CLEC12B: variants seen among roughly 807,000 people sequenced by gnomAD.
CLEC12B encodes the protein C-type lectin domain family 12 member B, also known as macrophage antigen h.
Under a neutral mutation model 36.1 loss-of-function variants are expected in CLEC12B, and 25 were observed. The observed-to-expected ratio is 0.69, with a 90% CI of 0.50 to 0.97. CLEC12B has a LOEUF of 0.97. Among genes scored for constraint, CLEC12B ranks in the 50% least tolerant of loss-of-function variants. CLEC12B has a pLI of 0.00. For synonymous variants in CLEC12B, 110 were observed against 108.5 expected (o/e 1.01, Z -0.09); for missense variants, 325 against 318.4 (o/e 1.02, Z -0.16).
chr12:10,010,044 C>T (rs146402618), upstream of CLEC12B, among the ~76,000 whole-genome samples: 297 of 152,268 alleles, frequency 2.0e-3, 1 homozygote, highest in African/African-American at 6.7e-3. Context: ...GGTTGTTGTT[C>T]TGTTAGGAAC....
chr12:10,013,812 A>T (rs995025357), intron 2 of CLEC12B, among the ~76,000 whole-genome samples: 32 of 152,330 alleles, frequency 2.1e-4, no homozygotes, highest in African/African-American at 7.2e-4. Flanking sequence ...AAGGAATATG[A>T]TGTTCAAGCA....
rs1391340689 is a variant in CLEC12B at position 10,014,596 on chromosome 12, G to T, written c.264G>T (p.Gln88His). Residue 88 changes from glutamine (Q) to histidine (H), a missense_variant, in exon 3 of 6, where the codon CAG becomes CAT. Physicochemically the swap from Gln to His is conservative, Grantham distance 24. Coordinates refer to ENST00000338896, the MANE Select transcript of CLEC12B (RefSeq NM_001129998.3). ...AACTTCAGAAAACCATCCAACAGCA[G>T]CAGGATAACTTATCCCAGCAACTGG... ...LSQLQKTIQQ[Q>H]QDNLSQQLGN... 1.9e-6 allele frequency: 3 copies of T among 1,613,668 alleles called. No homozygotes were observed. The highest frequency in any genetic ancestry group is 2.7e-5 in the African/African-American group (2 of 74,890).
rs577629910 is a variant in CLEC12B at position 10,014,554 on chromosome 12, T to C, written c.222T>C (p.Asp74=). The C allele has an allele frequency of 2.5e-6, 4 of 1,613,664 alleles. No homozygotes were observed. The African/African-American group carries it at 4.0e-5, about 16-fold the overall frequency. Residue 74 remains aspartate, a synonymous_variant, in exon 3 of 6, where the codon GAT becomes GAC. Transcript: ENST00000338896. Reference sequence around the variant, plus strand: ...AGATATCTAATGACATTAACTCAGATTCAGAGAAATTGAGTCAACTTCAGA... The same window carrying C: ...AGATATCTAATGACATTAACTCAGACTCAGAGAAATTGAGTCAACTTCAGA... The part of the protein sequence containing the change: ...FLQISNDINS[D]SEKLSQLQKT...
intron 2 of CLEC12B, 34 bp downstream of exon 2, chr12:10,012,917 A>G (rs1447819031): frequency 6.9e-7 from 1 of 1,440,978 alleles, no homozygotes; most frequent in Non-Finnish European, 9.8e-7. Context: ...AACAAAGGCA[A>G]CTAGAAAACA....
Position 10,018,564 on chromosome 12 carries a change from C to A in CLEC12B, c.*83C>A. ...AAAGAGGAAACTACGGTACCAGAGC[C>A]AAACCAGCTTTTAAAATGACTGTGT... On this transcript the variant is annotated 3_prime_UTR_variant, in exon 6 of 6. Coordinates refer to ENST00000338896, the MANE Select transcript of CLEC12B (RefSeq NM_001129998.3). 8.9e-7 allele frequency: 1 copy of A among 1,126,616 alleles called. No homozygotes were observed. Among genetic ancestry groups the A allele is most frequent in the Non-Finnish European group, 1.3e-6 (1 of 791,344 alleles). The allele number at this position is 1,126,616 out of a possible 1,614,324, so 69.8% of individuals were successfully genotyped here.
At chr12:10,018,118 G>T (rs1865531679) in intron 5 of CLEC12B, among the ~76,000 whole-genome samples, 1 of 152,092 alleles carries the variant, frequency 6.6e-6, no homozygotes, top group African/African-American at 2.4e-5. Flanking sequence ...TTCTACCTGG[G>T]ATTATGATTA....
chr12:10,015,430 G>C, intron 4 of CLEC12B, 24 bp downstream of exon 4: 1 of 1,601,894 alleles, frequency 6.2e-7, no homozygotes, highest in Non-Finnish European at 8.5e-7. Flanking sequence ...TCATTCTCTA[G>C]TTATAGACAT....
At chr12:10,006,457 G>GTTTTTTTTTTT (rs139343460), upstream of CLEC12B, among the ~76,000 whole-genome samples, 1 of 149,054 alleles carries the variant, frequency 6.7e-6, no homozygotes, top group African/African-American at 2.5e-5. Flanking sequence ...TCCAGGATAA[G>GTTTTTTTTTTT]TTTTTTGTTT....
At chr12:10,008,951 G>A (rs1451581830), upstream of CLEC12B, among the ~76,000 whole-genome samples, 2 of 152,160 alleles carry the variant, frequency 1.3e-5, no homozygotes, top group Admixed American at 1.3e-4. Context: ...GAACTTTCCT[G>A]TCTTACAAGA....
At position 10,015,944 on chromosome 12, in the gene CLEC12B, GTTTA is replaced by G. The variant is rs1304765816; in HGVS notation, c.680+222_680+225del. ...GAATTTTATCTTTTGGTAGAAATGT[GTTTA>G]TTTAACACACACACACACCTAATAC... is the stretch of plus-strand genomic sequence containing the variant. On this transcript the variant is annotated intron_variant, in intron 5 of 5. Transcript: ENST00000338896. 4 of 1,355,256 alleles carry G rather than the reference GTTTA, an allele frequency of 3.0e-6. No homozygotes were observed. The East Asian group carries it at 8.5e-5, about 29-fold the overall frequency. 84.0% of individuals were successfully genotyped at this position (1,355,256 alleles called of 1,614,324 possible). A position where few individuals can be genotyped will look rare whatever the true frequency, so the allele number is the denominator to read the frequency against.
rs1485353781 is a variant in CLEC12B at position 10,010,731 on chromosome 12, G to T, written c.-29G>T. ...CCTCAAGATATTGAAACATTAATTA[G>T]ATAATTTAAAGTAGCGTTTTCTTCT... On this transcript the variant is annotated 5_prime_UTR_variant, in exon 1 of 6. Coordinates refer to ENST00000338896, the MANE Select transcript of CLEC12B (RefSeq NM_001129998.3). 1 of 1,397,992 alleles carries T rather than the reference G, an allele frequency of 7.2e-7. No homozygotes were observed. 86.6% of individuals were successfully genotyped at this position (1,397,992 alleles called of 1,614,324 possible). A position where few individuals can be genotyped will look rare whatever the true frequency, so the allele number is the denominator to read the frequency against.
upstream of CLEC12B, among the ~76,000 whole-genome samples, chr12:10,006,570 A>G (rs1865229023): frequency 6.6e-6 from 1 of 152,100 alleles, no homozygotes; most frequent in African/African-American, 2.4e-5. Context: ...TTGTGAGTGA[A>G]GCAAAAGGAA....
chr12:10,007,004 G>A (rs558761345), upstream of CLEC12B, among the ~76,000 whole-genome samples: 39 of 151,742 alleles, frequency 2.6e-4, no homozygotes, highest in South Asian at 4.2e-4. Flanking sequence ...GCAGTGAGCC[G>A]AGATCGCGCC....
rs1259500312 is a variant in CLEC12B, at chr12:10,012,119, G to C, written c.92-666G>C. Among the ~76,000 whole-genome samples, 3 of 152,114 alleles carry C rather than the reference G, an allele frequency of 2.0e-5. No individual in the cohort carries two copies. In the South Asian group the frequency reaches 6.2e-4, roughly 31 times the overall value. On this transcript the variant is annotated intron_variant, in intron 1 of 5. Coordinates refer to ENST00000338896, the MANE Select transcript of CLEC12B (RefSeq NM_001129998.3). The stretch of plus-strand genomic sequence containing the variant: ...GCACATTCTTTCCTTCTTTCATTCA[G>C]TATTCATTCATTATTTATTAGGTGA...
chr12:10,011,761 A>C (rs1865332770), intron 1 of CLEC12B, among the ~76,000 whole-genome samples: 1 of 152,202 alleles, frequency 6.6e-6, no homozygotes, highest in Non-Finnish European at 1.5e-5. Flanking sequence ...TGTGTGGTGC[A>C]TGACATTTGA....
upstream of CLEC12B, among the ~76,000 whole-genome samples, chr12:10,008,950 T>C (rs1295037699): frequency 6.6e-6 from 1 of 152,196 alleles, no homozygotes; most frequent in Non-Finnish European, 1.5e-5. Flanking sequence ...GGAACTTTCC[T>C]GTCTTACAAG....
At chr12:10,013,012 C>A in intron 2 of CLEC12B, 129 bp downstream of exon 2, 1 of 697,654 alleles carries the variant, frequency 1.4e-6, no homozygotes, top group Non-Finnish European at 2.5e-6. Flanking sequence ...TGTCTCATAT[C>A]TCTCCTATTC....
Position 10,010,678 on chromosome 12 carries a change from G to A in CLEC12B, c.-82G>A, listed in dbSNP as rs569210720. 9.8e-5 allele frequency: 85 copies of A among 867,094 alleles called. No homozygotes were observed. In the African/African-American group the frequency reaches 1.3e-3, roughly 13 times the overall value. The allele number at this position is 867,094 out of a possible 1,614,324, so 53.7% of individuals were successfully genotyped here. A position where few individuals can be genotyped will look rare whatever the true frequency, so the allele number is the denominator to read the frequency against. ...CTGAGTGACTACATCAAAGCTCCCAGCCTTGAAAAACACATGCTGTTCCCA... is the reference window on the plus strand; with the variant it reads ...CTGAGTGACTACATCAAAGCTCCCAACCTTGAAAAACACATGCTGTTCCCA... On this transcript the variant is annotated 5_prime_UTR_variant, in exon 1 of 6. Transcript: ENST00000338896.
chr12:10,013,621 C>G (rs1425623217), intron 2 of CLEC12B, among the ~76,000 whole-genome samples: 2 of 152,100 alleles, frequency 1.3e-5, no homozygotes, highest in Admixed American at 1.3e-4. Flanking sequence ...ATGGTATTCG[C>G]TTACAGGGAA....
Sources: allele counts gnomAD v4.1 joint callset (sites outside exome capture counted in the v4.1 genomes callset), GRCh38; gene constraint gnomAD v4.1.1; transcripts MANE v1.5; gene names NCBI Gene and HGNC (gene_info 2026-07-23, HGNC 2026-07-21).